LRMDA: variants seen among roughly 807,000 people sequenced by gnomAD.
The protein encoded by LRMDA is leucine-rich melanocyte differentiation-associated protein.
A neutral mutation model predicts 29.8 loss-of-function variants in LRMDA; 18 were observed. That is an observed-to-expected ratio of 0.60 (90% CI 0.42 to 0.90). LRMDA has a LOEUF of 0.90. Among genes scored for constraint, LRMDA ranks in the 40% least tolerant of loss-of-function variants. The pLI is 0.00. For synonymous variants in LRMDA, 125 were observed against 109.4 expected (o/e 1.14, Z -0.89); for missense variants, 273 against 273.9 (o/e 1.00, Z 0.02).
At chr10:75,752,406 T>A (rs981809795) in intron 2 of LRMDA, among the ~76,000 whole-genome samples, 3 of 151,970 alleles carry the variant, frequency 2.0e-5, no homozygotes, top group African/African-American at 7.3e-5. Context: ...AGATATGGGG[T>A]TTCACCATGT....
rs10664076 is a variant in LRMDA, at chr10:75,697,850, T to TGTGTGTGCGCGC, written c.131+259357_131+259358insTGTGTGCGCGCG. ...GCATGTAAGAGTGTGTGTGTGTGTG[T>TGTGTGTGCGCGC]GCGTGTGTGTGTGTGTCTCATTCGC... On this transcript the variant is annotated intron_variant, in intron 2 of 6. Transcript: ENST00000611255. 2.7e-3 allele frequency among the ~76,000 whole-genome samples: 416 copies of TGTGTGTGCGCGC among 151,702 alleles called. 2 individuals carry two copies. The highest frequency in any genetic ancestry group is 9.6e-3 in the African/African-American group (394 of 41,204).
intron 2 of LRMDA, among the ~76,000 whole-genome samples, chr10:75,761,797 T>G (rs895205145): frequency 1.4e-5 from 2 of 141,464 alleles, no homozygotes; most frequent in East Asian, 1.9e-4. Context: ...TACTTTTGTT[T>G]TTTTTTTTTT....
chr10:76,245,448 TC>T (rs1261813133), intron 5 of LRMDA, among the ~76,000 whole-genome samples: 1 of 152,192 alleles, frequency 6.6e-6, no homozygotes, highest in Non-Finnish European at 1.5e-5. Flanking sequence ...GAGGTCAGCT[TC>T]CATGTACATT....
At chr10:75,576,186 G>A (rs188817160) in intron 2 of LRMDA, among the ~76,000 whole-genome samples, 16 of 152,260 alleles carry the variant, frequency 1.1e-4, no homozygotes, top group African/African-American at 3.4e-4. Flanking sequence ...AGTGGGAGGA[G>A]GGGCATCCAC....
intron 5 of LRMDA, among the ~76,000 whole-genome samples, chr10:76,148,996 AG>A (rs1193513993): frequency 1.3e-5 from 2 of 152,180 alleles, no homozygotes; most frequent in Non-Finnish European, 2.9e-5. Context: ...CAGTTGTTCT[AG>A]TTTAACATTC....
intron 2 of LRMDA, among the ~76,000 whole-genome samples, chr10:75,578,378 T>C (rs1589191466): frequency 6.6e-6 from 1 of 152,024 alleles, no homozygotes; most frequent in Non-Finnish European, 1.5e-5. Context: ...ATGTACCCAG[T>C]ACAGGAGCCC....
intron 2 of LRMDA, among the ~76,000 whole-genome samples, chr10:75,497,589 A>G (rs1845062070): frequency 6.7e-6 from 1 of 149,956 alleles, no homozygotes; most frequent in African/African-American, 2.5e-5. Flanking sequence ...AAGTTGTCTT[A>G]TGTCCCTTCC....
chr10:75,937,802 C>T (rs373581627), intron 2 of LRMDA, among the ~76,000 whole-genome samples: 4 of 152,150 alleles, frequency 2.6e-5, no homozygotes, highest in African/African-American at 7.2e-5. Flanking sequence ...CTGAATTTAT[C>T]TTATTTGAGG....
chr10:76,272,211 G>T (rs1366150895), intron 5 of LRMDA, among the ~76,000 whole-genome samples: 1 of 152,200 alleles, frequency 6.6e-6, no homozygotes, highest in African/African-American at 2.4e-5. Context: ...TTTTGGCCAG[G>T]TTGGCTTCCT....
At chr10:75,891,131 G>A (rs1479673501) in intron 2 of LRMDA, among the ~76,000 whole-genome samples, 3 of 150,342 alleles carry the variant, frequency 2.0e-5, no homozygotes, top group Admixed American at 6.6e-5. Context: ...AAGAAAGAAA[G>A]AAAGTTTCCT....
intron 2 of LRMDA, among the ~76,000 whole-genome samples, chr10:75,986,787 C>A (rs1847269387): frequency 6.6e-6 from 1 of 152,256 alleles, no homozygotes; most frequent in Non-Finnish European, 1.5e-5. Context: ...GATCAGATAA[C>A]ACCAGCTTCT....
At chr10:76,291,390 A>G (rs1443538082) in intron 5 of LRMDA, among the ~76,000 whole-genome samples, 1 of 152,198 alleles carries the variant, frequency 6.6e-6, no homozygotes. Context: ...TGATCTTCTA[A>G]TGACTGAAAT....
intron 5 of LRMDA, among the ~76,000 whole-genome samples, chr10:76,261,944 G>C (rs1161322214): frequency 1.3e-5 from 2 of 152,058 alleles, no homozygotes; most frequent in Non-Finnish European, 2.9e-5. Context: ...GAAGAAAATT[G>C]TTGGCAATAA....
At chr10:75,581,997 T>C (rs1840599572) in intron 2 of LRMDA, among the ~76,000 whole-genome samples, 1 of 152,216 alleles carries the variant, frequency 6.6e-6, no homozygotes, top group Non-Finnish European at 1.5e-5. Context: ...CAGGACACAC[T>C]GATGTGAGGG....
At chr10:76,371,144 TAGATA>T (rs555011685) in intron 6 of LRMDA, among the ~76,000 whole-genome samples, 63 of 152,288 alleles carry the variant, frequency 4.1e-4, no homozygotes, top group Non-Finnish European at 7.1e-4. Context: ...TTTCAGACAT[TAGATA>T]AGTCAAGTCA....
intron 2 of LRMDA, among the ~76,000 whole-genome samples, chr10:75,631,645 C>G (rs979731073): frequency 1.3e-5 from 2 of 152,160 alleles, no homozygotes; most frequent in Non-Finnish European, 2.9e-5. Context: ...ACTTTGATTT[C>G]TCTCTTGGTG....
chr10:75,538,932 C>G (rs1839983979), intron 2 of LRMDA, among the ~76,000 whole-genome samples: 1 of 152,168 alleles, frequency 6.6e-6, no homozygotes, highest in South Asian at 2.1e-4. Context: ...TAGAGTGGTA[C>G]AGGTTGCATG....
intron 5 of LRMDA, among the ~76,000 whole-genome samples, chr10:76,289,888 G>A (rs1001868263): frequency 1.3e-5 from 2 of 152,128 alleles, no homozygotes; most frequent in Non-Finnish European, 2.9e-5. Flanking sequence ...GAAGAACCAC[G>A]ATCATCTAGA....
intron 6 of LRMDA, among the ~76,000 whole-genome samples, chr10:76,481,701 G>C (rs1216103062): frequency 6.6e-6 from 1 of 151,826 alleles, no homozygotes; most frequent in Non-Finnish European, 1.5e-5. Context: ...TCAACTTACA[G>C]AAAATGTAGG....
Sources: gnomAD v4.1 joint callset for allele counts (sites outside exome capture counted in the v4.1 genomes callset) on GRCh38, gnomAD v4.1.1 for gene constraint, MANE v1.5 for transcripts, NCBI Gene and HGNC (gene_info 2026-07-23, HGNC 2026-07-21) for gene names.